The following ADGRF3 variants were observed in gnomAD, a reference collection of about 807,000 sequenced individuals.
ADGRF3 encodes adhesion G protein-coupled receptor F3, also known as G protein-coupled receptor 113.
A neutral mutation model predicts 93.2 loss-of-function variants in ADGRF3; 85 were observed. The observed-to-expected ratio is 0.91, with a 90% CI of 0.77 to 1.09. The LOEUF (loss-of-function observed/expected upper bound fraction) is 1.09, where lower values mean the gene tolerates loss of function less well. ADGRF3 is among the 50% of genes least tolerant of loss of function. The probability of loss-of-function intolerance (pLI) is 0.00; values close to 1 mark genes in which losing one functional copy is unlikely to be tolerated. For missense variants in ADGRF3, 1,125 were observed against 1,246.2 expected (o/e 0.90, Z 1.46); for synonymous variants, 534 against 532.5 (o/e 1.00, Z -0.04).
chr2:26,316,969 C>T lies in ADGRF3; in HGVS notation c.268G>A (p.Ala90Thr). The T allele has an allele frequency of 6.2e-7, 1 of 1,612,920 alleles. No homozygotes were observed. Among genetic ancestry groups the T allele is most frequent in the Non-Finnish European group, 8.5e-7 (1 of 1,179,512 alleles). ...PELSRTLTLP[A>T]ASASSSPRPL... ...CTTGGGGAAGAGGAAGCTGAGGCAG[C>T]AGGGAGAGTCAGTGTCCTGGAGAGT... The change falls in exon 3 of 14, where the codon GCT becomes ACT. Residue 90 changes from alanine (A) to threonine (T), a missense_variant. Transcript: ENST00000651242.
At chr2:26,316,700 T>C (rs1311166121) in intron 3 of ADGRF3, among the ~76,000 whole-genome samples, 1 of 152,044 alleles carries the variant, frequency 6.6e-6, no homozygotes, top group Non-Finnish European at 1.5e-5. Context: ...CCTTGGGCCA[T>C]CAGCCAAAGT....
At chr2:26,327,183 G>C (rs1675480390) in intron 1 of ADGRF3, among the ~76,000 whole-genome samples, 1 of 152,250 alleles carries the variant, frequency 6.6e-6, no homozygotes, top group South Asian at 2.1e-4. Context: ...CTGGGACCCA[G>C]TGAGAGTCTG....
intron 1 of ADGRF3, among the ~76,000 whole-genome samples, chr2:26,320,226 G>A (rs1412328824): frequency 1.3e-5 from 2 of 152,234 alleles, no homozygotes; most frequent in Admixed American, 1.3e-4. Flanking sequence ...GGCGTGCACG[G>A]TGGCTCACAC....
chr2:26,313,828 T>C lies in ADGRF3; in HGVS notation c.1004A>G (p.Tyr335Cys), dbSNP rs758234094. 74 of 1,613,868 alleles carry C rather than the reference T, an allele frequency of 4.6e-5. No individual in the cohort carries two copies. The highest frequency in any genetic ancestry group is 5.8e-5 in the Non-Finnish European group (68 of 1,179,884). The change falls in exon 7 of 14, where the codon TAC becomes TGC. Residue 335 changes from tyrosine (Y) to cysteine (C), a missense_variant. Coordinates refer to ENST00000651242, the MANE Select transcript of ADGRF3 (RefSeq NM_001321971.2). ...VQRCPMADTTYACDLQSLGLA... is the reference protein window; with the variant it reads ...VQRCPMADTTCACDLQSLGLA... ...GCCCAGGCTCTGCAGGTCACAAGCG[T>C]ACGTGGTGTCAGCCATCGGGCAGCG...
At chr2:26,338,941 T>G (rs1041548123) in intron 1 of ADGRF3, among the ~76,000 whole-genome samples, 9 of 148,568 alleles carry the variant, frequency 6.1e-5, no homozygotes, top group Non-Finnish European at 1.0e-4. Context: ...ATCAAGACCA[T>G]CCTGGCCAAC....
At chr2:26,310,154 G>A (rs762834788) in intron 11 of ADGRF3, 42 bp downstream of exon 11, 4 of 1,614,006 alleles carry the variant, frequency 2.5e-6, no homozygotes, top group Non-Finnish European at 3.4e-6. Context: ...GCCCCGGCCT[G>A]CGGGCTGCAA....
intron 1 of ADGRF3, among the ~76,000 whole-genome samples, chr2:26,344,781 T>C (rs1676605251): frequency 6.6e-6 from 1 of 152,146 alleles, no homozygotes; most frequent in African/African-American, 2.4e-5. Context: ...CAGTGAGCCG[T>C]GATCACGTCA....
intron 1 of ADGRF3, among the ~76,000 whole-genome samples, chr2:26,323,692 C>A (rs115368574): frequency 0.01 from 1,569 of 149,468 alleles, 25 homozygotes; most frequent in African/African-American, 0.037. Context: ...TACAATGGTG[C>A]GATCTTGGCT....
At chr2:26,331,946 G>C (rs566027313) in intron 1 of ADGRF3, among the ~76,000 whole-genome samples, 1 of 151,616 alleles carries the variant, frequency 6.6e-6, no homozygotes, top group Non-Finnish European at 1.5e-5. Context: ...CACTTTTTCT[G>C]CTCCTTTTTT....
chr2:26,309,828 T>A lies in ADGRF3; in HGVS notation c.2937+215A>T, dbSNP rs111755522. 18 of 1,148,502 alleles carry A rather than the reference T, an allele frequency of 1.6e-5. 1 individual carries two copies. Among genetic ancestry groups the A allele is most frequent in the African/African-American group, 1.4e-4 (9 of 64,262 alleles). 71.1% of individuals were successfully genotyped at this position (1,148,502 alleles called of 1,614,324 possible). A position where few individuals can be genotyped will look rare whatever the true frequency, so the allele number is the denominator to read the frequency against. On this transcript the variant is annotated intron_variant, in intron 12 of 13. Coordinates refer to ENST00000651242, the MANE Select transcript of ADGRF3 (RefSeq NM_001321971.2). ...AAAAGAGAGTCAGCAGGAGTCCAGG[T>A]GATAATCAGGAACCCAGGACCCTGA...
In ADGRF3 at chr2:26,315,759, CAG is replaced by C. The variant is rs1208648488; in HGVS notation, c.500-21_500-20del. On this transcript the variant is annotated intron_variant, in intron 4 of 13. Transcript: ENST00000651242. ...CCGGGGACTGCAGGGAGGCAGGTGA[CAG>C]GGGACCCTGGAGGAGGGACTTATGG... 1 of 1,550,748 alleles carries C rather than the reference CAG, an allele frequency of 6.4e-7. No homozygotes were observed. The highest frequency in any genetic ancestry group is 8.7e-7 in the Non-Finnish European group (1 of 1,146,938).
At chr2:26,342,096 ATT>A (rs1366525260) in intron 1 of ADGRF3, among the ~76,000 whole-genome samples, 1 of 145,604 alleles carries the variant, frequency 6.9e-6, no homozygotes. Flanking sequence ...CTGACTTGTG[ATT>A]TTTTTTTTTT....
At chr2:26,338,948 C>T (rs555488061) in intron 1 of ADGRF3, among the ~76,000 whole-genome samples, 38 of 149,622 alleles carry the variant, frequency 2.5e-4, no homozygotes, top group South Asian at 6.4e-4. Flanking sequence ...CCATCCTGGC[C>T]AACATGGTGA....
Position 26,313,797 on chromosome 2 carries a change from A to AG in ADGRF3, c.1034dup (p.Pro346SerfsTer20), listed in dbSNP as rs1674412764. On this transcript the variant is annotated frameshift_variant, in exon 7 of 14. Transcript: ENST00000651242. LOFTEE classifies it high-confidence loss of function. ...TGATGGAGATGGGGACCCTGAGTGG[A>AG]GCCAGGCCCAGGCTCTGCAGGTCAC... 6.2e-7 allele frequency: 1 copy of AG among 1,613,844 alleles called. No individual in the cohort carries two copies. The highest frequency in any genetic ancestry group is 1.3e-5 in the African/African-American group (1 of 74,930).
chr2:26,330,122 C>T (rs557610238), intron 1 of ADGRF3, among the ~76,000 whole-genome samples: 1 of 152,224 alleles, frequency 6.6e-6, no homozygotes, highest in South Asian at 2.1e-4. Context: ...CAACCTACTG[C>T]GGACTGTGCT....
intron 1 of ADGRF3, chr2:26,317,986 T>C: frequency 6.7e-7 from 1 of 1,497,842 alleles, no homozygotes; most frequent in Non-Finnish European, 9.1e-7. Context: ...CCTCCGTCTT[T>C]GGTTCCTGTA....
At chr2:26,315,142 C>T (rs1674539616) in intron 5 of ADGRF3, among the ~76,000 whole-genome samples, 1 of 152,152 alleles carries the variant, frequency 6.6e-6, no homozygotes, top group African/African-American at 2.4e-5. Context: ...GGCCCTGTAG[C>T]CTCTGGAAAG....
At position 26,313,030 on chromosome 2, in the gene ADGRF3, G is replaced by A. The variant is rs375498614; in HGVS notation, c.1362C>T (p.Ser454=). Residue 454 remains serine (S), a synonymous_variant, in exon 9 of 14, where the codon TCC becomes TCT. Coordinates refer to ENST00000651242, the MANE Select transcript of ADGRF3 (RefSeq NM_001321971.2). Reference sequence around the variant, plus strand: ...TGGTGCTCAGCAGGGTCAGTAAGTCGGAGGGTGAACTTGCCTCTGCCGCCT... The same window carrying A: ...TGGTGCTCAGCAGGGTCAGTAAGTCAGAGGGTGAACTTGCCTCTGCCGCCT... ...PGQAAEASSP[S]DLLTLLSTMK... is the part of the protein sequence containing the mutation. The A allele has an allele frequency of 2.3e-5, 37 of 1,613,918 alleles. No individual in the cohort carries two copies. In the East Asian group the frequency reaches 2.7e-4, roughly 12 times the overall value.
chr2:26,314,320 G>C, intron 6 of ADGRF3, 94 bp downstream of exon 6: 1 of 1,175,388 alleles, frequency 8.5e-7, no homozygotes, highest in African/African-American at 1.5e-5. Flanking sequence ...TTGAACTGTG[G>C]CCTCTGTTTC....
Sources: allele counts gnomAD v4.1 joint callset (sites outside exome capture counted in the v4.1 genomes callset), GRCh38; gene constraint gnomAD v4.1.1; transcripts MANE v1.5; gene names NCBI Gene and HGNC (gene_info 2026-07-23, HGNC 2026-07-21).